Variants in ALDH1A1 observed in about 807,000 individuals in gnomAD.
The protein encoded by ALDH1A1 is aldehyde dehydrogenase 1 family member A1, also known as aldehyde dehydrogenase 1A1.
A neutral mutation model predicts 62.1 loss-of-function variants in ALDH1A1; 19 were observed. The observed-to-expected ratio is 0.31, with a 90% CI of 0.21 to 0.45. ALDH1A1 has a LOEUF of 0.45. Ranked by LOEUF, ALDH1A1 falls within the 20% of genes least tolerant of loss-of-function variation. ALDH1A1 has a pLI of 1.00. For missense variants in ALDH1A1, 521 were observed against 607.1 expected, an observed-to-expected ratio of 0.86 and a Z score of 1.49; for synonymous variants, 231 against 215.9, an observed-to-expected ratio of 1.07 and a Z score of -0.61.
rs1829956468 is a variant in ALDH1A1 at position 72,909,727 on chromosome 9, A to G, written c.1233T>C (p.Phe411=). 1.2e-6 allele frequency: 2 copies of G among 1,613,532 alleles called. No individual in the cohort carries two copies. Among genetic ancestry groups the G allele is most frequent in the African/African-American group, 2.7e-5 (2 of 74,906 alleles). ...IFGPVQQIMK[F]KSLDDVIKRA... is the part of the protein sequence containing the mutation. ...TTTTGATCACGTCATCTAAAGATTT[A>G]AACTTCATGATTTGCTGCACTGGTC... Residue 411 remains phenylalanine, a synonymous_variant, in exon 11 of 13, where the codon TTT becomes TTC. Transcript: ENST00000297785.
At chr9:72,915,040 T>C (rs2118503548) in intron 9 of ALDH1A1, among the ~76,000 whole-genome samples, 1 of 152,278 alleles carries the variant, frequency 6.6e-6, no homozygotes, top group South Asian at 2.1e-4. Context: ...TTTAGTCTTT[T>C]GTTTCTCCAA....
intron 1 of ALDH1A1, among the ~76,000 whole-genome samples, chr9:72,940,913 A>G (rs968873347): frequency 2.6e-5 from 4 of 152,236 alleles, no homozygotes; most frequent in Admixed American, 2.0e-4. Flanking sequence ...ACTAAAAAAT[A>G]TGAAATTTTG....
intron 9 of ALDH1A1, among the ~76,000 whole-genome samples, chr9:72,914,066 G>A (rs927233941): frequency 1.3e-5 from 2 of 152,168 alleles, no homozygotes; most frequent in East Asian, 1.9e-4. Context: ...TTCATGTGAT[G>A]GGCCATTGGC....
At chr9:72,908,573 AAGAAAGAAAGAAAGAAAGAAAG>A (rs1409182821) in intron 11 of ALDH1A1, among the ~76,000 whole-genome samples, 7 of 96,880 alleles carry the variant, frequency 7.2e-5, no homozygotes, top group Admixed American at 4.1e-4. Flanking sequence ...GAAAGAAAGA[AAGAAAGAAAGAAAGAAAGAAAG>A]AAAGAAAGAA....
chr9:72,901,251 T>A lies in ALDH1A1; in HGVS notation c.1463A>T (p.Glu488Val). 1 of 1,610,266 alleles carries A rather than the reference T, an allele frequency of 6.2e-7. No homozygotes were observed. The highest frequency in any genetic ancestry group is 8.5e-7 in the Non-Finnish European group (1 of 1,178,120). ...LGEYGFHEYT[E>V]VKTVTVKISQ... ...GATTTTCACTGTGACTGTTTTGACC[T>A]CTGTATATTCATGGAAACCGTACTC... Residue 488 changes from glutamate to valine, a missense_variant, in exon 13 of 13, where the codon GAG (glutamate) becomes GTG (valine). Glu to Val is a moderately radical substitution (Grantham distance 121). Transcript: ENST00000297785.
At chr9:72,912,936 A>G (rs899935715) in intron 9 of ALDH1A1, among the ~76,000 whole-genome samples, 1 of 152,198 alleles carries the variant, frequency 6.6e-6, no homozygotes, top group Non-Finnish European at 1.5e-5. Flanking sequence ...ATTTTGTGAC[A>G]TTGAATAACT....
chr9:72,916,806 G>C (rs1021958477), intron 9 of ALDH1A1, 114 bp downstream of exon 9: 6 of 805,242 alleles, frequency 7.5e-6, no homozygotes, highest in Non-Finnish European at 1.1e-5. Context: ...GCACAGCATT[G>C]TCACCTAGGA....
At chr9:72,941,792 T>G (rs1312710399) in intron 1 of ALDH1A1, among the ~76,000 whole-genome samples, 1 of 152,142 alleles carries the variant, frequency 6.6e-6, no homozygotes, top group Non-Finnish European at 1.5e-5. Flanking sequence ...AATATAATTT[T>G]CCATACAAGA....
At chr9:72,915,704 A>G (rs1157170010) in intron 9 of ALDH1A1, among the ~76,000 whole-genome samples, 1 of 152,182 alleles carries the variant, frequency 6.6e-6, no homozygotes, top group Non-Finnish European at 1.5e-5. Flanking sequence ...AGATTTTCCT[A>G]CTTGGATGTC....
chr9:72,941,409 T>C (rs1452010430), intron 1 of ALDH1A1, among the ~76,000 whole-genome samples: 2 of 152,182 alleles, frequency 1.3e-5, no homozygotes, highest in Non-Finnish European at 2.9e-5. Context: ...TATTACTATA[T>C]ATCCCTAAAT....
At chr9:72,902,395 A>G (rs168351) in intron 12 of ALDH1A1, among the ~76,000 whole-genome samples, 16,507 of 151,986 alleles carry the variant, frequency 0.11, 1,110 homozygotes, top group Non-Finnish European at 0.16. Flanking sequence ...TGATGTAGAC[A>G]GGTATGTAGA....
At chr9:72,906,290 G>T (rs1564621001) in intron 11 of ALDH1A1, among the ~76,000 whole-genome samples, 1 of 152,162 alleles carries the variant, frequency 6.6e-6, no homozygotes, top group Non-Finnish European at 1.5e-5. Flanking sequence ...CTGAGAAGTG[G>T]TAGTCTGAAT....
At position 72,948,208 on chromosome 9, in the gene ALDH1A1, C is replaced by A. The variant is rs986726794; in HGVS notation, c.66+4727G>T. On this transcript the variant is annotated intron_variant, in intron 1 of 12. Coordinates refer to ENST00000297785, the MANE Select transcript of ALDH1A1 (RefSeq NM_000689.5). Reference sequence around the variant, plus strand: ...CTTGTTCAGTCACTGCACCTTGCAGCCAGTCAGCTATTTTTTTCACCTGCT... The same window carrying A: ...CTTGTTCAGTCACTGCACCTTGCAGACAGTCAGCTATTTTTTTCACCTGCT... Among the ~76,000 whole-genome samples the A allele has an allele frequency of 5.3e-5, 8 of 151,916 alleles. 1 individual carries two copies. Among genetic ancestry groups the A allele is most frequent in the Non-Finnish European group, 8.8e-5 (6 of 67,912 alleles).
intron 1 of ALDH1A1, among the ~76,000 whole-genome samples, chr9:72,949,658 T>TGTGC (rs1027099697): frequency 1.4e-5 from 2 of 144,746 alleles, no homozygotes; most frequent in African/African-American, 2.5e-5. Context: ...TGTGTGTGTG[T>TGTGC]GTGTGCGTGT....
chr9:72,910,013 G>T (rs1404860106), intron 10 of ALDH1A1, among the ~76,000 whole-genome samples: 1 of 152,076 alleles, frequency 6.6e-6, no homozygotes, highest in Non-Finnish European at 1.5e-5. Context: ...TCTAGATGTT[G>T]GAATTAAGCT....
intron 2 of ALDH1A1, among the ~76,000 whole-genome samples, chr9:72,938,426 T>C (rs1830372194): frequency 6.6e-6 from 1 of 152,084 alleles, no homozygotes; most frequent in South Asian, 2.1e-4. Context: ...AAAAGTTTAT[T>C]TAATATTATG....
At chr9:72,908,554 AG>A (rs1415179780) in intron 11 of ALDH1A1, among the ~76,000 whole-genome samples, 4 of 3,544 alleles carry the variant, frequency 1.1e-3, no homozygotes, top group Non-Finnish European at 2.2e-3. Context: ...AAAAGAAAGA[AG>A]AAAGAAAGAA....
At chr9:72,905,883 T>A (rs1310585141) in intron 12 of ALDH1A1, 75 bp downstream of exon 12, 76 of 1,247,564 alleles carry the variant, frequency 6.1e-5, no homozygotes, top group Non-Finnish European at 8.4e-5. Flanking sequence ...AGGTGAAAAC[T>A]ATGAGTTAAT....
At chr9:72,912,179 A>G in intron 9 of ALDH1A1, 57 bp from the exon 10 acceptor site, 5 of 1,477,822 alleles carry the variant, frequency 3.4e-6, no homozygotes, top group Non-Finnish European at 4.6e-6. Context: ...AAGATAACAC[A>G]TTGCTGGGCC....
Sources: gnomAD v4.1 joint callset for allele counts (sites outside exome capture counted in the v4.1 genomes callset) on GRCh38, gnomAD v4.1.1 for gene constraint, MANE v1.5 for transcripts, NCBI Gene and HGNC (gene_info 2026-07-23, HGNC 2026-07-21) for gene names.